The following NIPBL variants were observed in gnomAD, a reference collection of about 807,000 sequenced individuals.
NIPBL encodes nipped-B-like protein.
A neutral mutation model predicts 321.8 loss-of-function variants in NIPBL; 19 were observed. The ratio of observed to expected loss-of-function variants is 0.06; its 90% CI spans 0.04 to 0.09. The LOEUF (loss-of-function observed/expected upper bound fraction) is 0.09. Ranked by LOEUF, NIPBL falls within the 10% of genes least tolerant of loss-of-function variation. The pLI is 1.00. For missense variants in NIPBL, 2,210 were observed against 3,327.0 expected, an observed-to-expected ratio of 0.66 and a Z score of 8.26; for synonymous variants, 1,106 against 1,114.1, an observed-to-expected ratio of 0.99 and a Z score of 0.14.
Position 36,985,385 on chromosome 5 carries a change from T to C in NIPBL, c.2205T>C (p.Thr735=), listed in dbSNP as rs750217822. Residue 735 remains threonine (T), a synonymous_variant, in exon 10 of 47, where the codon ACT becomes ACC. Coordinates refer to ENST00000282516, the MANE Select transcript of NIPBL (RefSeq NM_133433.4). The part of the protein sequence containing the change: ...PKQKGDGRPE[T]PKQKGESRPE... Reference sequence around the variant, plus strand: ...AGAAGGGTGATGGAAGGCCTGAAACTCCAAAGCAAAAAGGTGAGAGCCGCC... The same window carrying C: ...AGAAGGGTGATGGAAGGCCTGAAACCCCAAAGCAAAAAGGTGAGAGCCGCC... 6 of 1,612,678 alleles carry C rather than the reference T, an allele frequency of 3.7e-6. No homozygotes were observed. The Admixed American group carries it at 1.0e-4, about 27-fold the overall frequency.
chr5:36,978,785 C>G (rs1743805266), intron 9 of NIPBL, among the ~76,000 whole-genome samples: 1 of 151,918 alleles, frequency 6.6e-6, no homozygotes, highest in South Asian at 2.1e-4. Context: ...GGCAGGAGTC[C>G]CGTCTCGTTC....
At chr5:37,036,349 A>ATATATATATATATATATATG in intron 32 of NIPBL, 30 bp from the exon 33 acceptor site, 1 of 61,180 alleles carries the variant, frequency 1.6e-5, no homozygotes, top group Non-Finnish European at 2.4e-5. Flanking sequence ...ATATATATGT[A>ATATATATATATATATATATG]TATATATATA....
chr5:36,976,260 T>C lies in NIPBL; in HGVS notation c.1353T>C (p.Ser451=), dbSNP rs993474658. ...TSVAAKQPQT[S]VVQNQQQISQ... is the part of the protein sequence containing the mutation. ...TTGCTGCAAAACAACCCCAGACTTC[T>C]GTGGTACAGAATCAACAACAGATAT... is the stretch of plus-strand genomic sequence containing the variant. The change falls in exon 9 of 47, where the codon TCT becomes TCC. Residue 451 remains serine (S), a synonymous_variant. Transcript: ENST00000282516. 4.3e-6 allele frequency: 7 copies of C among 1,613,738 alleles called. No individual in the cohort carries two copies. Among genetic ancestry groups the C allele is most frequent in the Non-Finnish European group, 4.2e-6 (5 of 1,179,866 alleles).
chr5:36,973,188 T>C (rs1233803400), intron 8 of NIPBL, among the ~76,000 whole-genome samples: 2 of 152,178 alleles, frequency 1.3e-5, no homozygotes, highest in African/African-American at 2.4e-5. Context: ...TAGCTGGTAA[T>C]ATATTCTCTC....
chr5:37,038,520 T>G lies in NIPBL; in HGVS notation c.5972-82T>G. ...TACTGGACCTATTTAGGGGATAATA[T>G]TAAGTAATTTAAATAATATTCTGTA... is the stretch of plus-strand genomic sequence containing the variant. On this transcript the variant is annotated intron_variant, in intron 33 of 46. Coordinates refer to ENST00000282516, the MANE Select transcript of NIPBL (RefSeq NM_133433.4). The G allele has an allele frequency of 2.3e-6, 3 of 1,286,996 alleles. No individual in the cohort carries two copies. The South Asian group carries it at 3.8e-5, about 16-fold the overall frequency. The allele number at this position is 1,286,996 out of a possible 1,614,324, so 79.7% of individuals were successfully genotyped here. A position where few individuals can be genotyped will look rare whatever the true frequency, so the allele number is the denominator to read the frequency against.
intron 21 of NIPBL, among the ~76,000 whole-genome samples, chr5:37,013,465 G>A (rs955111667): frequency 6.6e-6 from 1 of 151,886 alleles, no homozygotes; most frequent in Non-Finnish European, 1.5e-5. Context: ...GCGGCTGCCG[G>A]GCGGAGGGGC....
intron 9 of NIPBL, among the ~76,000 whole-genome samples, chr5:36,980,603 T>A (rs898893057): frequency 6.6e-6 from 1 of 151,680 alleles, no homozygotes; most frequent in African/African-American, 2.4e-5. Context: ...TATAGTAACA[T>A]GCTGTACAGG....
chr5:37,054,164 C>G (rs1753847725), intron 42 of NIPBL, among the ~76,000 whole-genome samples: 1 of 150,786 alleles, frequency 6.6e-6, no homozygotes, highest in Non-Finnish European at 1.5e-5. Context: ...CCACTGCATT[C>G]CAGCCTGGCC....
Position 36,877,128 on chromosome 5 carries a change from T to G in NIPBL, c.-130T>G. 3.4e-6 allele frequency: 1 copy of G among 296,638 alleles called. No individual in the cohort carries two copies. 18.4% of individuals were successfully genotyped at this position (296,638 alleles called of 1,614,324 possible). On this transcript the variant is annotated 5_prime_UTR_variant, in exon 1 of 47. Transcript: ENST00000282516. ...CCCTCCCGGCCCGGATTATAGTCTC[T>G]CGCCACAGCGGCCTCGGCCTCCCCT... is the stretch of plus-strand genomic sequence containing the variant.
chr5:36,919,058 G>T (rs1012339588), intron 1 of NIPBL, among the ~76,000 whole-genome samples: 7 of 152,036 alleles, frequency 4.6e-5, no homozygotes, highest in Non-Finnish European at 8.8e-5. Context: ...TTAGGGAGGA[G>T]TCCCTCTTTT....
chr5:36,908,310 A>G (rs1236264151), intron 1 of NIPBL, among the ~76,000 whole-genome samples: 1 of 152,212 alleles, frequency 6.6e-6, no homozygotes, highest in Non-Finnish European at 1.5e-5. Flanking sequence ...ACCAAAGTTA[A>G]CTTTACATAT....
chr5:37,012,974 T>C (rs1281695463), intron 21 of NIPBL, among the ~76,000 whole-genome samples: 2 of 152,230 alleles, frequency 1.3e-5, no homozygotes, highest in East Asian at 3.9e-4. Flanking sequence ...CTCAATGAGC[T>C]GTTGGGTACA....
chr5:37,057,926 T>C (rs1754273667), intron 43 of NIPBL, among the ~76,000 whole-genome samples: 1 of 152,240 alleles, frequency 6.6e-6, no homozygotes, highest in Non-Finnish European at 1.5e-5. Context: ...GTAAATTCTT[T>C]ACAAATTGAA....
In NIPBL at chr5:37,049,167, A is replaced by T; in HGVS notation, c.6820A>T (p.Met2274Leu). Residue 2274 changes from methionine to leucine, a missense_variant, in exon 40 of 47, where the codon ATG becomes TTG. By Grantham distance (15) the Met-to-Leu change is conservative. This residue lies in a region of NIPBL where 112 missense variants were observed against 288.3 expected (regional missense o/e 0.39). Coordinates refer to ENST00000282516, the MANE Select transcript of NIPBL (RefSeq NM_133433.4). ...LKEMGDVSSG[M>L]SSSIMQLYLK... ...AGAAATGGGTGATGTTTCCTCAGGG[A>T]TGAGTAGTTCCATCATGCAGCTTTA... 1 of 1,614,126 alleles carries T rather than the reference A, an allele frequency of 6.2e-7. No individual in the cohort carries two copies. The highest frequency in any genetic ancestry group is 2.2e-5 in the East Asian group (1 of 44,880).
chr5:36,894,834 T>A (rs1337067639), intron 1 of NIPBL, among the ~76,000 whole-genome samples: 2 of 152,228 alleles, frequency 1.3e-5, no homozygotes, highest in East Asian at 1.9e-4. Context: ...AAGTTTATTT[T>A]GTTTTATTTT....
rs1002429062 is a variant in NIPBL, at chr5:37,065,977, A to G, written c.*1085A>G. On this transcript the variant is annotated 3_prime_UTR_variant, in exon 47 of 47. Coordinates refer to ENST00000282516, the MANE Select transcript of NIPBL (RefSeq NM_133433.4). ...GAACTAGAGTTGAGATGAATATGAC[A>G]CTTCATAATTACACTCACTACATTT... 4.6e-5 allele frequency: 7 copies of G among 152,308 alleles called. No individual in the cohort carries two copies. The highest frequency in any genetic ancestry group is 7.2e-5 in the African/African-American group (3 of 41,456). 9.4% of individuals were successfully genotyped at this position (152,308 alleles called of 1,614,324 possible). A position where few individuals can be genotyped will look rare whatever the true frequency, so the allele number is the denominator to read the frequency against.
intron 1 of NIPBL, among the ~76,000 whole-genome samples, chr5:36,911,671 T>C (rs1748062815): frequency 6.6e-6 from 1 of 152,204 alleles, no homozygotes; most frequent in African/African-American, 2.4e-5. Flanking sequence ...GCACATAATA[T>C]AGAGGCTCAG....
intron 1 of NIPBL, among the ~76,000 whole-genome samples, chr5:36,928,554 G>T (rs558979918): frequency 9.2e-5 from 14 of 152,090 alleles, no homozygotes; most frequent in African/African-American, 3.4e-4. Flanking sequence ...ACTTTACAAC[G>T]TTATTGAGGT....
chr5:36,971,483 T>C (rs1020514736), intron 7 of NIPBL, among the ~76,000 whole-genome samples: 8 of 152,136 alleles, frequency 5.3e-5, no homozygotes, highest in African/African-American at 1.4e-4. Context: ...TTTTTCCCTC[T>C]GATACTTGTA....
Sources: allele counts gnomAD v4.1 joint callset (sites outside exome capture counted in the v4.1 genomes callset), GRCh38; gene constraint gnomAD v4.1.1; regional missense constraint gnomAD v4.1.1; transcripts MANE v1.5; gene names NCBI Gene and HGNC (gene_info 2026-07-23, HGNC 2026-07-21).